UNC13C: variants seen among roughly 807,000 people sequenced by gnomAD.
The protein encoded by UNC13C is unc-13 homolog C, also known as protein unc-13 homolog C.
UNC13C carries 174 observed loss-of-function variants against 245.4 expected under a neutral mutation model. The ratio of observed to expected loss-of-function variants is 0.71; its 90% CI spans 0.63 to 0.80. The LOEUF (loss-of-function observed/expected upper bound fraction) is 0.80. UNC13C is among the 30% of genes least tolerant of loss of function. The probability of loss-of-function intolerance (pLI) is 0.00; values close to 1 mark genes in which losing one functional copy is unlikely to be tolerated. For synonymous variants in UNC13C, 992 were observed against 895.1 expected, an observed-to-expected ratio of 1.11 and a Z score of -1.93; for missense variants, 2,829 against 2,602.9, an observed-to-expected ratio of 1.09 and a Z score of -1.89.
chr15:53,936,796 T>G, the UNC13C span, among the ~76,000 whole-genome samples: 1 of 152,096 alleles, frequency 6.6e-6, no homozygotes, highest in African/African-American at 2.4e-5. Context: ...TTGCTAACAG[T>G]CAGTGGCCTG....
Position 54,143,671 on chromosome 15 carries a change from C to G in UNC13C, c.3058C>G (p.Gln1020Glu). Residue 1020 changes from glutamine to glutamate, a missense_variant, in exon 4 of 33, where the codon CAG becomes GAG. Coordinates refer to ENST00000260323, the MANE Select transcript of UNC13C (RefSeq NM_001080534.3). ...GGATGCTTCCAAATTTTCTGCACTC[C>G]AGGTGTGTGGTGGGTAAGTACCTTC... is the stretch of plus-strand genomic sequence containing the variant. The part of the protein sequence containing the change: ...DLDASKFSAL[Q>E]VCGGAGGGLY... 6.2e-7 allele frequency: 1 copy of G among 1,613,102 alleles called. No individual in the cohort carries two copies. The highest frequency in any genetic ancestry group is 8.5e-7 in the Non-Finnish European group (1 of 1,179,254).
In UNC13C at chr15:54,584,198, C is replaced by T. The variant is rs867177780; in HGVS notation, c.6106+16251C>T. Among the ~76,000 whole-genome samples, 13 of 152,254 alleles carry T rather than the reference C, an allele frequency of 8.5e-5. No homozygotes were observed. The South Asian group carries it at 1.2e-3, about 15-fold the overall frequency. The stretch of plus-strand genomic sequence containing the variant: ...AGAGACCTGAAGACCAAATTAGGAA[C>T]CTAAATATATAAATCGCAACAGAAA... On this transcript the variant is annotated intron_variant, in intron 30 of 32. Transcript: ENST00000260323.
At chr15:54,423,176 T>C (rs915737912) in intron 19 of UNC13C, among the ~76,000 whole-genome samples, 2 of 151,782 alleles carry the variant, frequency 1.3e-5, no homozygotes, top group African/African-American at 4.8e-5. Context: ...ATTCTGGTCA[T>C]AACCCTCTAA....
At chr15:54,265,109 T>A (rs1297674412) in intron 9 of UNC13C, among the ~76,000 whole-genome samples, 4 of 152,012 alleles carry the variant, frequency 2.6e-5, no homozygotes, top group Non-Finnish European at 5.9e-5. Flanking sequence ...ATATAGCTAA[T>A]ATGTATATGC....
chr15:54,293,917 C>G lies in UNC13C; in HGVS notation c.3841C>G (p.Arg1281Gly), dbSNP rs770810832. The G allele has an allele frequency of 6.3e-6, 10 of 1,575,822 alleles. No individual in the cohort carries two copies. Among genetic ancestry groups the G allele is most frequent in the Non-Finnish European group, 8.6e-6 (10 of 1,165,106 alleles). Residue 1281 changes from arginine to glycine, a missense_variant, in exon 11 of 33, where the codon CGA becomes GGA. By Grantham distance (125) the Arg-to-Gly change is moderately radical. Transcript: ENST00000260323. ...FYFECHNSTD[R>G]IKVRVWDEDD... ...CAGTGAGTGTCATAACTCCACAGAT[C>G]GAATCAAAGTCAGAGTATGGGATGA...
At chr15:54,447,385 G>A (rs1402820309) in intron 19 of UNC13C, among the ~76,000 whole-genome samples, 4 of 152,150 alleles carry the variant, frequency 2.6e-5, no homozygotes, top group Non-Finnish European at 4.4e-5. Context: ...GAATTTGGCT[G>A]TGAATCTGTC....
intron 5 of UNC13C, among the ~76,000 whole-genome samples, chr15:54,235,864 A>G (rs1596058574): frequency 6.6e-6 from 1 of 152,172 alleles, no homozygotes; most frequent in South Asian, 2.1e-4. Context: ...ATAAAAATAA[A>G]AATAATAAAA....
chr15:54,098,462 A>G lies in UNC13C; in HGVS notation c.2984-44556A>G, dbSNP rs1272501822. Among the ~76,000 whole-genome samples the G allele has an allele frequency of 3.9e-5, 6 of 152,126 alleles. No homozygotes were observed. In the East Asian group the frequency reaches 5.8e-4, roughly 15 times the overall value. Reference sequence around the variant, plus strand: ...AGTGCTGGGATTATAGGCGTGAGCTACCCTATCCGGCCCCTCCATAGCTTC... The same window carrying G: ...AGTGCTGGGATTATAGGCGTGAGCTGCCCTATCCGGCCCCTCCATAGCTTC... On this transcript the variant is annotated intron_variant, in intron 2 of 32. Transcript: ENST00000260323.
intron 19 of UNC13C, among the ~76,000 whole-genome samples, chr15:54,467,749 A>G (rs1892258238): frequency 6.6e-6 from 1 of 151,622 alleles, no homozygotes; most frequent in African/African-American, 2.4e-5. Flanking sequence ...CACTAAGCAT[A>G]ATGTCCTATA....
intron 30 of UNC13C, among the ~76,000 whole-genome samples, chr15:54,579,227 A>G (rs977538652): frequency 2.6e-5 from 4 of 152,282 alleles, no homozygotes; most frequent in South Asian, 2.1e-4. Context: ...GTGTGATGAA[A>G]GTGTGGTTGA....
chr15:53,847,068 G>GAAC, the UNC13C span, among the ~76,000 whole-genome samples: 4 of 151,952 alleles, frequency 2.6e-5, no homozygotes, highest in African/African-American at 7.2e-5. Context: ...ATGATGTCAA[G>GAAC]AACAACAACA....
intron 1 of UNC13C, among the ~76,000 whole-genome samples, chr15:53,985,575 C>A (rs1024948860): frequency 2.0e-5 from 3 of 151,968 alleles, no homozygotes; most frequent in African/African-American, 7.3e-5. Flanking sequence ...ACTCTTCAGG[C>A]TCCTGATTTC....
At chr15:54,518,336 C>T (rs539688326) in intron 24 of UNC13C, among the ~76,000 whole-genome samples, 9 of 152,200 alleles carry the variant, frequency 5.9e-5, no homozygotes, top group African/African-American at 2.2e-4. Context: ...GCAGGTGACG[C>T]TTGTTAACCT....
intron 17 of UNC13C, among the ~76,000 whole-genome samples, chr15:54,353,934 G>A: frequency 6.6e-6 from 1 of 152,176 alleles, no homozygotes; most frequent in East Asian, 1.9e-4. Flanking sequence ...GGATGAAGGA[G>A]GCAGACCCTT....
chr15:54,288,352 A>G (rs1015213281), intron 10 of UNC13C, among the ~76,000 whole-genome samples: 2 of 152,136 alleles, frequency 1.3e-5, no homozygotes, highest in Non-Finnish European at 2.9e-5. Flanking sequence ...AAGGGTGAGT[A>G]CTGTGAAAGG....
At chr15:54,341,486 G>A (rs1256613611) in intron 17 of UNC13C, among the ~76,000 whole-genome samples, 2 of 152,074 alleles carry the variant, frequency 1.3e-5, no homozygotes, top group Non-Finnish European at 2.9e-5. Flanking sequence ...TCAGTACCTG[G>A]GTAAGGGGAT....
At chr15:54,611,203 T>C (rs903994964) in intron 30 of UNC13C, among the ~76,000 whole-genome samples, 1 of 152,086 alleles carries the variant, frequency 6.6e-6, no homozygotes, top group Non-Finnish European at 1.5e-5. Flanking sequence ...CAAGGAAGGA[T>C]TGTAAAAAGG....
intron 26 of UNC13C, among the ~76,000 whole-genome samples, chr15:54,544,291 G>A (rs528690474): frequency 9.0e-4 from 137 of 152,170 alleles, no homozygotes; most frequent in African/African-American, 3.2e-3. Context: ...TTGATGGAAC[G>A]TATCTCAAAA....
chr15:54,372,419 AG>A (rs2039506836), intron 17 of UNC13C, among the ~76,000 whole-genome samples: 1 of 152,146 alleles, frequency 6.6e-6, no homozygotes. Context: ...ATTTATAAAA[AG>A]ATAATAAGAT....
Sources: gnomAD v4.1 joint callset for allele counts (sites outside exome capture counted in the v4.1 genomes callset) on GRCh38, gnomAD v4.1.1 for gene constraint, MANE v1.5 for transcripts, NCBI Gene and HGNC (gene_info 2026-07-23, HGNC 2026-07-21) for gene names.